The following CDKAL1 variants were observed in gnomAD, a reference collection of about 807,000 sequenced individuals.
CDKAL1 encodes CDKAL1 threonylcarbamoyladenosine tRNA methylthiotransferase.
A neutral mutation model predicts 68.2 loss-of-function variants in CDKAL1; 32 were observed. That is an observed-to-expected ratio of 0.47 (90% CI 0.35 to 0.63). CDKAL1 has a LOEUF of 0.63. CDKAL1 is among the 30% of genes least tolerant of loss of function. The pLI is 0.00. For synonymous variants in CDKAL1, 234 were observed against 244.3 expected, an observed-to-expected ratio of 0.96 and a Z score of 0.39; for missense variants, 606 against 696.7, an observed-to-expected ratio of 0.87 and a Z score of 1.47.
intron 15 of CDKAL1, among the ~76,000 whole-genome samples, chr6:21,204,081 T>C (rs1253883809): frequency 1.3e-5 from 2 of 152,168 alleles, no homozygotes; most frequent in Non-Finnish European, 2.9e-5. Flanking sequence ...AGAAAAACTG[T>C]AGATAGACAG....
chr6:20,741,505 C>T (rs538946856), intron 6 of CDKAL1, among the ~76,000 whole-genome samples: 6 of 152,090 alleles, frequency 3.9e-5, no homozygotes, highest in African/African-American at 4.8e-5. Flanking sequence ...GTGGTGTTAC[C>T]GCCAATGTGT....
chr6:20,585,724 A>G (rs1581768954), intron 4 of CDKAL1, among the ~76,000 whole-genome samples: 1 of 152,114 alleles, frequency 6.6e-6, no homozygotes, highest in South Asian at 2.1e-4. Flanking sequence ...CCCTTCAGTC[A>G]TCTTTGCTGG....
intron 13 of CDKAL1, among the ~76,000 whole-genome samples, chr6:21,164,481 TA>T (rs1172519756): frequency 1.3e-4 from 19 of 150,398 alleles, no homozygotes; most frequent in Admixed American, 1.1e-3. Flanking sequence ...GCTTCAACCA[TA>T]ACACACACAG....
At chr6:20,602,389 A>C (rs1451282013) in intron 4 of CDKAL1, among the ~76,000 whole-genome samples, 1 of 152,098 alleles carries the variant, frequency 6.6e-6, no homozygotes, top group East Asian at 1.9e-4. Context: ...ATAATATGAA[A>C]ATCAGCTAAT....
At chr6:20,803,765 G>A (rs1776461125) in intron 8 of CDKAL1, among the ~76,000 whole-genome samples, 1 of 152,064 alleles carries the variant, frequency 6.6e-6, no homozygotes, top group South Asian at 2.1e-4. Flanking sequence ...TTTTAGGAAT[G>A]GCAGAAATAG....
chr6:20,659,396 G>A (rs1048747602), intron 5 of CDKAL1, among the ~76,000 whole-genome samples: 2 of 152,098 alleles, frequency 1.3e-5, no homozygotes, highest in African/African-American at 2.4e-5. Flanking sequence ...GAATCATTGT[G>A]TGCTTTTACC....
intron 8 of CDKAL1, among the ~76,000 whole-genome samples, chr6:20,839,684 G>T (rs1235258524): frequency 6.6e-6 from 1 of 152,048 alleles, no homozygotes; most frequent in Non-Finnish European, 1.5e-5. Context: ...CCAGCTTCCT[G>T]ACCTCTAAGA....
intron 12 of CDKAL1, among the ~76,000 whole-genome samples, chr6:21,102,782 A>G (rs576777243): frequency 6.6e-6 from 1 of 152,028 alleles, no homozygotes; most frequent in Non-Finnish European, 1.5e-5. Context: ...TTTTTGCCTC[A>G]GGCACTCCTG....
At chr6:20,924,399 C>CCTTTT (rs1763092683) in intron 9 of CDKAL1, among the ~76,000 whole-genome samples, 1 of 149,990 alleles carries the variant, frequency 6.7e-6, no homozygotes, top group Non-Finnish European at 1.5e-5. Flanking sequence ...GAAGGCATGT[C>CCTTTT]AAAAGCCGGC....
At chr6:21,112,543 T>C (rs1774177183) in intron 13 of CDKAL1, among the ~76,000 whole-genome samples, 1 of 152,226 alleles carries the variant, frequency 6.6e-6, no homozygotes, top group Non-Finnish European at 1.5e-5. Context: ...TACATGTCAG[T>C]GGACACACTT....
intron 12 of CDKAL1, among the ~76,000 whole-genome samples, chr6:21,099,401 A>G (rs1773472018): frequency 6.6e-6 from 1 of 152,206 alleles, no homozygotes; most frequent in Non-Finnish European, 1.5e-5. Flanking sequence ...TATAATTTTT[A>G]CATGCCACAA....
chr6:20,934,661 G>A (rs942415072), intron 9 of CDKAL1, among the ~76,000 whole-genome samples: 8 of 151,880 alleles, frequency 5.3e-5, no homozygotes, highest in Admixed American at 2.6e-4. Flanking sequence ...GCATGGCAAC[G>A]TAGTGACACC....
chr6:20,581,423 G>T (rs1765140080), intron 4 of CDKAL1, among the ~76,000 whole-genome samples: 2 of 152,170 alleles, frequency 1.3e-5, no homozygotes, highest in South Asian at 2.1e-4. Context: ...CTTACAAAGT[G>T]TTCATCCTTT....
chr6:20,636,020 C>T (rs532497407), intron 4 of CDKAL1, among the ~76,000 whole-genome samples: 1 of 152,126 alleles, frequency 6.6e-6, no homozygotes, highest in South Asian at 2.1e-4. Flanking sequence ...CTTCTGTGTC[C>T]CCTCGTCTTC....
At chr6:21,137,600 AT>A (rs537813315) in intron 13 of CDKAL1, among the ~76,000 whole-genome samples, 2 of 152,004 alleles carry the variant, frequency 1.3e-5, no homozygotes, top group South Asian at 2.1e-4. Flanking sequence ...ATAGAATGGG[AT>A]TTTTTTTCTT....
intron 13 of CDKAL1, among the ~76,000 whole-genome samples, chr6:21,129,354 T>C (rs1775173849): frequency 6.6e-6 from 1 of 152,062 alleles, no homozygotes. Context: ...AGGAGAAAAA[T>C]GAAAATATTG....
At chr6:21,150,739 G>T (rs541797264) in intron 13 of CDKAL1, among the ~76,000 whole-genome samples, 1 of 152,164 alleles carries the variant, frequency 6.6e-6, no homozygotes, top group Non-Finnish European at 1.5e-5. Flanking sequence ...TGTCAACTTC[G>T]TCCTGACAGG....
intron 4 of CDKAL1, among the ~76,000 whole-genome samples, chr6:20,612,362 T>C (rs1343186824): frequency 4.6e-5 from 7 of 152,242 alleles, no homozygotes; most frequent in Non-Finnish European, 8.8e-5. Context: ...TAATTTACAT[T>C]ACCACCAACA....
chr6:20,924,702 G>A (rs1233504549), intron 9 of CDKAL1, among the ~76,000 whole-genome samples: 2 of 152,214 alleles, frequency 1.3e-5, no homozygotes, highest in African/African-American at 4.8e-5. Flanking sequence ...AGCAGAGGTT[G>A]ATTCATGAGG....
Sources: allele counts gnomAD v4.1 joint callset (sites outside exome capture counted in the v4.1 genomes callset), GRCh38; gene constraint gnomAD v4.1.1; transcripts MANE v1.5; gene names NCBI Gene and HGNC (gene_info 2026-07-23, HGNC 2026-07-21).